DCDC2B: variants seen among roughly 807,000 people sequenced by gnomAD.
DCDC2B encodes doublecortin domain containing 2B.
DCDC2B carries 41 observed loss-of-function variants against 38.9 expected under a neutral mutation model. The ratio of observed to expected loss-of-function variants is 1.05; its 90% CI spans 0.82 to 1.37. The LOEUF is 1.37. Ranked by LOEUF, DCDC2B falls within the 40% of genes most tolerant of loss-of-function variation. The probability of loss-of-function intolerance (pLI) is 0.00; values close to 1 mark genes in which losing one functional copy is unlikely to be tolerated. For synonymous variants in DCDC2B, 181 were observed against 171.9 expected (o/e 1.05, Z -0.41); for missense variants, 453 against 427.2 (o/e 1.06, Z -0.53).
rs1569782599 is a variant in DCDC2B at position 32,215,666 on chromosome 1, T to C, written c.954+123T>C. The C allele has an allele frequency of 2.2e-5, 25 of 1,118,384 alleles. No homozygotes were observed. The East Asian group carries it at 2.8e-4, about 13-fold the overall frequency. The allele number at this position is 1,118,384 out of a possible 1,614,324, so 69.3% of individuals were successfully genotyped here. Reference sequence around the variant, plus strand: ...GATTGAAAGTAAATGATCTCCTAACTTCCTACCTTGTTAAATGAGGAAGCA... The same window carrying C: ...GATTGAAAGTAAATGATCTCCTAACCTCCTACCTTGTTAAATGAGGAAGCA... On this transcript the variant is annotated intron_variant, in intron 8 of 8. Transcript: ENST00000409358.
chr1:32,211,060 C>G (rs1402915138), intron 1 of DCDC2B, among the ~76,000 whole-genome samples: 1 of 152,204 alleles, frequency 6.6e-6, no homozygotes, highest in Non-Finnish European at 1.5e-5. Context: ...GATTTCCAGA[C>G]TTACTCAGCA....
intron 6 of DCDC2B, chr1:32,214,593 G>A (rs1643722607): frequency 3.2e-6 from 2 of 633,804 alleles, no homozygotes; most frequent in Non-Finnish European, 2.7e-6. Flanking sequence ...ATCGAGGAGT[G>A]CCAGGCATCT....
At chr1:32,213,229 A>C (rs1233215971) in intron 6 of DCDC2B, among the ~76,000 whole-genome samples, 1 of 151,796 alleles carries the variant, frequency 6.6e-6, no homozygotes, top group East Asian at 1.9e-4. Context: ...GATGAGTCTC[A>C]CGATATTGCG....
chr1:32,216,192 A>T lies in DCDC2B; in HGVS notation c.*295A>T. On this transcript the variant is annotated 3_prime_UTR_variant, in exon 9 of 9. Coordinates refer to ENST00000409358, the MANE Select transcript of DCDC2B (RefSeq NM_001099434.2). ...TGTCACAATAAAAGAATACTTACTA[A>T]CCTCTTGTCTGTTTACCATAGATTT... 8 of 855,774 alleles carry T rather than the reference A, an allele frequency of 9.3e-6. No homozygotes were observed. Among genetic ancestry groups the T allele is most frequent in the Non-Finnish European group, 1.4e-5 (8 of 570,606 alleles). The allele number at this position is 855,774 out of a possible 1,614,324, so 53.0% of individuals were successfully genotyped here. A position where few individuals can be genotyped will look rare whatever the true frequency, so the allele number is the denominator to read the frequency against.
Position 32,209,364 on chromosome 1 carries a change from G to C in DCDC2B, c.266+5G>C. The C allele has an allele frequency of 6.2e-7, 1 of 1,613,612 alleles. No homozygotes were observed. The highest frequency in any genetic ancestry group is 8.5e-7 in the Non-Finnish European group (1 of 1,179,656). ...TGAACGATTCCACAAGCTCCAGTGA[G>C]TGGGCTGGGGCTGGTCAAACAGCCT... On this transcript the variant is annotated splice_donor_5th_base_variant and intron_variant, in intron 1 of 8. Coordinates refer to ENST00000409358, the MANE Select transcript of DCDC2B (RefSeq NM_001099434.2).
rs900005921 is a variant in DCDC2B, at chr1:32,214,822, C to T, written c.740C>T (p.Thr247Ile). 8 of 1,613,958 alleles carry T rather than the reference C, an allele frequency of 5.0e-6. No homozygotes were observed. The highest frequency in any genetic ancestry group is 6.8e-6 in the Non-Finnish European group (8 of 1,179,892). The change falls in exon 7 of 9, where the codon ACC becomes ATC. Residue 247 changes from threonine (T) to isoleucine (I), a missense_variant. Transcript: ENST00000409358. ...QGAQGHRAQV[T>I]QPSPKEPDRI... ...GCCCAAGGCCACAGGGCCCAGGTAA[C>T]CCAGCCCTCTCCAAAGGAACCAGAC... is the stretch of plus-strand genomic sequence containing the variant.
chr1:32,210,522 A>G (rs1453847895), intron 1 of DCDC2B, among the ~76,000 whole-genome samples: 1 of 151,858 alleles, frequency 6.6e-6, no homozygotes, highest in Admixed American at 6.6e-5. Flanking sequence ...AGAGAAAAAA[A>G]GAAAAAAAAG....
chr1:32,211,440 A>G, intron 2 of DCDC2B, 117 bp downstream of exon 2: 1 of 1,017,486 alleles, frequency 9.8e-7, no homozygotes, highest in Non-Finnish European at 1.5e-6. Flanking sequence ...CCAGGGGGGT[A>G]CTTTGGAGCC....
In DCDC2B at chr1:32,211,835, C is replaced by A. The variant is rs1643597515; in HGVS notation, c.393C>A (p.Ile131=). The part of the protein sequence containing the change: ...RQLPAGAPSY[I]HVFRNGDLVS... ...TGCCTGCAGGTGCTCCCAGCTATAT[C>A]CAGTGAGTGCCAGTGTGAGGGAGCA... Residue 131 remains isoleucine, a splice_region_variant and synonymous_variant, in exon 3 of 9, where the codon ATC becomes ATA. Transcript: ENST00000409358. The A allele has an allele frequency of 6.2e-7, 1 of 1,606,206 alleles. No homozygotes were observed. Among genetic ancestry groups the A allele is most frequent in the African/African-American group, 1.3e-5 (1 of 74,794 alleles).
intron 2 of DCDC2B, among the ~76,000 whole-genome samples, 189 bp from the exon 3 acceptor site, chr1:32,211,571 AG>A (rs1386110564): frequency 6.6e-6 from 1 of 152,106 alleles, no homozygotes; most frequent in Admixed American, 6.5e-5. Context: ...AGATTGGGGG[AG>A]GGGGTGGTTA....
chr1:32,215,072 A>C, intron 7 of DCDC2B, 140 bp downstream of exon 7: 1 of 1,263,360 alleles, frequency 7.9e-7, no homozygotes, highest in African/African-American at 1.5e-5. Context: ...AAAAAAGATA[A>C]AGGAGTCTGA....
At chr1:32,213,911 C>T (rs1643689002) in intron 6 of DCDC2B, among the ~76,000 whole-genome samples, 1 of 152,052 alleles carries the variant, frequency 6.6e-6, no homozygotes, top group South Asian at 2.1e-4. Flanking sequence ...CTCAGCCTCC[C>T]AAAGTGCTGG....
At position 32,211,990 on chromosome 1, in the gene DCDC2B, A is replaced by G. The variant is rs1212533402; in HGVS notation, c.396-80A>G. 12 of 1,560,638 alleles carry G rather than the reference A, an allele frequency of 7.7e-6. No homozygotes were observed. In the Admixed American group the frequency reaches 2.0e-4, roughly 26 times the overall value. ...GTGAAGAGAGACCAGTGTTATGGTTATTGCTGGCCCTGTGCCACCCTTCCC... is the reference window on the plus strand; with the variant it reads ...GTGAAGAGAGACCAGTGTTATGGTTGTTGCTGGCCCTGTGCCACCCTTCCC... On this transcript the variant is annotated intron_variant, in intron 3 of 8. Transcript: ENST00000409358.
chr1:32,215,065 A>G, intron 7 of DCDC2B, 133 bp downstream of exon 7: 1 of 1,341,348 alleles, frequency 7.5e-7, no homozygotes, highest in Non-Finnish European at 1.0e-6. Flanking sequence ...AAAAAAAAAA[A>G]AAGATAAAGG....
chr1:32,209,166 C>T lies in DCDC2B; in HGVS notation c.73C>T (p.Gln25Ter). 1.2e-6 allele frequency: 2 copies of T among 1,614,006 alleles called. No homozygotes were observed. The highest frequency in any genetic ancestry group is 1.7e-6 in the Non-Finnish European group (2 of 1,179,894). Residue 25 changes from glutamine (Q) to a stop codon, truncating the protein, a stop_gained, in exon 1 of 9, where the codon CAG (glutamine) becomes TAG (stop). Transcript: ENST00000409358. LOFTEE classifies it high-confidence loss of function. ...TGGGGACCCATTCTTCCCAGGCTCC[C>T]AGCTGGTGGTGACTCAACGCCGCTT... The part of the protein sequence containing the change: ...RNGDPFFPGS[Q>*]LVVTQRRFPT...
intron 6 of DCDC2B, among the ~76,000 whole-genome samples, chr1:32,214,022 A>G (rs1219998539): frequency 1.3e-5 from 2 of 151,772 alleles, no homozygotes; most frequent in Non-Finnish European, 2.9e-5. Flanking sequence ...TGAAAAGTGA[A>G]GTGGGCCTTG....
Position 32,209,325 on chromosome 1 carries a change from G to A in DCDC2B, c.232G>A (p.Val78Met). ...AGACTTGAAGAACAGAGGGCAGTAT[G>A]TGGCCGCTGGATTTGAACGATTCCA... ...LADLKNRGQY[V>M]AAGFERFHKL... Residue 78 changes from valine to methionine, a missense_variant, in exon 1 of 9, where the codon GTG becomes ATG. Val to Met is a conservative substitution (Grantham distance 21). Coordinates refer to ENST00000409358, the MANE Select transcript of DCDC2B (RefSeq NM_001099434.2). 6.2e-7 allele frequency: 1 copy of A among 1,614,012 alleles called. No individual in the cohort carries two copies. The highest frequency in any genetic ancestry group is 8.5e-7 in the Non-Finnish European group (1 of 1,179,886).
chr1:32,209,471 A>G, intron 1 of DCDC2B, 112 bp downstream of exon 1: 9 of 1,456,500 alleles, frequency 6.2e-6, no homozygotes, highest in Non-Finnish European at 8.3e-6. Flanking sequence ...ACTGAACTCT[A>G]TGTAGGGGGG....
intron 2 of DCDC2B, 58 bp downstream of exon 2, chr1:32,211,381 GC>G: frequency 6.3e-7 from 1 of 1,590,568 alleles, no homozygotes; most frequent in East Asian, 2.2e-5. Context: ...TCCTGGAACT[GC>G]CCCCAATTTG....
Sources: gnomAD v4.1 joint callset for allele counts (sites outside exome capture counted in the v4.1 genomes callset) on GRCh38, gnomAD v4.1.1 for gene constraint, MANE v1.5 for transcripts, NCBI Gene and HGNC (gene_info 2026-07-23, HGNC 2026-07-21) for gene names.